CNTNAP2: variants seen among roughly 807,000 people sequenced by gnomAD.
CNTNAP2 encodes contactin associated protein 2, also known as contactin-associated protein-like 2.
In CNTNAP2, 98 loss-of-function variants were observed where a neutral mutation model predicts 155.2. The observed-to-expected ratio is 0.63, with a 90% CI of 0.54 to 0.75. The LOEUF (loss-of-function observed/expected upper bound fraction) is 0.75. Ranked by LOEUF, CNTNAP2 falls within the 30% of genes least tolerant of loss-of-function variation. The pLI, the probability that CNTNAP2 is intolerant of heterozygous loss-of-function variation, is 0.00. For missense variants in CNTNAP2, 1,727 were observed against 1,688.1 expected, an observed-to-expected ratio of 1.02 and a Z score of -0.40; for synonymous variants, 651 against 631.2, an observed-to-expected ratio of 1.03 and a Z score of -0.47.
At chr7:148,077,972 T>C (rs1457525860) in intron 15 of CNTNAP2, among the ~76,000 whole-genome samples, 3 of 151,264 alleles carry the variant, frequency 2.0e-5, no homozygotes, top group African/African-American at 7.4e-5. Context: ...GTTACTATAA[T>C]TGGATTCAAC....
intron 8 of CNTNAP2, among the ~76,000 whole-genome samples, chr7:147,271,414 G>A (rs1309709710): frequency 4.6e-5 from 7 of 152,306 alleles, no homozygotes; most frequent in Non-Finnish European, 8.8e-5. Context: ...GTCCAGTCTT[G>A]TTCCCCAGTT....
chr7:147,604,853 A>G (rs1801031164), intron 12 of CNTNAP2, among the ~76,000 whole-genome samples: 1 of 152,134 alleles, frequency 6.6e-6, no homozygotes, highest in South Asian at 2.1e-4. Flanking sequence ...GCCTTCAATA[A>G]TGTGTTCTTT....
At chr7:147,429,878 G>T (rs1797437982) in intron 10 of CNTNAP2, among the ~76,000 whole-genome samples, 1 of 151,964 alleles carries the variant, frequency 6.6e-6, no homozygotes, top group Non-Finnish European at 1.5e-5. Context: ...GTAAATATTT[G>T]GCTTTTTTTC....
chr7:147,214,990 C>T (rs1027077051), intron 8 of CNTNAP2, among the ~76,000 whole-genome samples: 2 of 152,076 alleles, frequency 1.3e-5, no homozygotes, highest in Admixed American at 1.3e-4. Context: ...CCACCAGACA[C>T]TTTTAAACAA....
intron 3 of CNTNAP2, among the ~76,000 whole-genome samples, chr7:146,991,945 G>T (rs1342779301): frequency 1.3e-5 from 2 of 152,128 alleles, no homozygotes; most frequent in Non-Finnish European, 2.9e-5. Flanking sequence ...CTGCTTGAAT[G>T]ATGATAGCTG....
intron 3 of CNTNAP2, among the ~76,000 whole-genome samples, chr7:146,978,130 A>T (rs1483161623): frequency 6.6e-6 from 1 of 152,206 alleles, no homozygotes; most frequent in Non-Finnish European, 1.5e-5. Flanking sequence ...CTATTAATTT[A>T]TAGTTTACCC....
chr7:148,004,704 T>C (rs965949026), intron 15 of CNTNAP2, among the ~76,000 whole-genome samples: 1 of 152,214 alleles, frequency 6.6e-6, no homozygotes, highest in Non-Finnish European at 1.5e-5. Context: ...TAATATGTAA[T>C]GAAAATGCTT....
chr7:148,396,302 C>A (rs898150242), intron 22 of CNTNAP2, among the ~76,000 whole-genome samples: 2 of 152,148 alleles, frequency 1.3e-5, no homozygotes, highest in African/African-American at 4.8e-5. Flanking sequence ...TCTTTCCTTA[C>A]CCCCAGCGAT....
chr7:148,129,798 G>A (rs550446312), intron 16 of CNTNAP2, among the ~76,000 whole-genome samples: 6 of 152,272 alleles, frequency 3.9e-5, no homozygotes, highest in South Asian at 4.2e-4. Flanking sequence ...CAAACCTGCC[G>A]GAGACCATCA....
chr7:146,440,893 A>G (rs1446043066), intron 1 of CNTNAP2, among the ~76,000 whole-genome samples: 1 of 151,642 alleles, frequency 6.6e-6, no homozygotes, highest in Non-Finnish European at 1.5e-5. Flanking sequence ...ATGTTAGTTC[A>G]GTGAAGCAGT....
At chr7:147,105,223 G>A (rs2129278800) in intron 4 of CNTNAP2, among the ~76,000 whole-genome samples, 1 of 151,718 alleles carries the variant, frequency 6.6e-6, no homozygotes. Context: ...GAAGACTAAG[G>A]AACAATAAAA....
chr7:147,639,030 C>G (rs1795231110), intron 12 of CNTNAP2, 76 bp from the exon 13 acceptor site: 6 of 1,429,096 alleles, frequency 4.2e-6, no homozygotes, highest in Non-Finnish European at 5.9e-6. Context: ...TTAAGTGTGG[C>G]TCAATTATTT....
chr7:146,274,001 A>G (rs1005578271), intron 1 of CNTNAP2, among the ~76,000 whole-genome samples: 26 of 152,286 alleles, frequency 1.7e-4, no homozygotes, highest in African/African-American at 5.5e-4. Flanking sequence ...ATATACATAT[A>G]TATGTGTATA....
rs1437043868 is a variant in CNTNAP2, at chr7:147,157,382, GA to G, written c.1348+24874del. On this transcript the variant is annotated intron_variant, in intron 8 of 23. Transcript: ENST00000361727. The stretch of plus-strand genomic sequence containing the variant: ...ATCAGGAGGAAGAGGCTACTTAAAA[GA>G]GAGGCAAATAAGATAGCCTGAATGG... 1.3e-4 allele frequency among the ~76,000 whole-genome samples: 20 copies of G among 152,242 alleles called. No individual in the cohort carries two copies. The East Asian group carries it at 2.3e-3, about 18-fold the overall frequency.
intron 13 of CNTNAP2, among the ~76,000 whole-genome samples, chr7:147,759,315 G>A (rs1797264331): frequency 6.6e-6 from 1 of 152,140 alleles, no homozygotes. Context: ...AATCCCATAA[G>A]ACAGTTTCTC....
chr7:146,609,448 A>G (rs745451570), intron 1 of CNTNAP2, among the ~76,000 whole-genome samples: 8 of 152,246 alleles, frequency 5.3e-5, no homozygotes, highest in South Asian at 2.1e-4. Context: ...GCACTGTTAT[A>G]GTATTCTGCT....
chr7:147,094,327 C>T lies in CNTNAP2; in HGVS notation c.551-13820C>T, dbSNP rs567317328. Among the ~76,000 whole-genome samples, 4 of 151,878 alleles carry T rather than the reference C, an allele frequency of 2.6e-5. No homozygotes were observed. In the South Asian group the frequency reaches 8.3e-4, roughly 32 times the overall value. ...GTTCTTTCTACAGCTCTCCTCTTTT[C>T]TTCTTAAGTCCTCACCAGAATTACC... On this transcript the variant is annotated intron_variant, in intron 4 of 23. Transcript: ENST00000361727.
chr7:146,375,965 G>A (rs1478441616), intron 1 of CNTNAP2, among the ~76,000 whole-genome samples: 1 of 152,136 alleles, frequency 6.6e-6, no homozygotes, highest in African/African-American at 2.4e-5. Flanking sequence ...AAAAAAGTTT[G>A]CTGAAGAAAG....
intron 2 of CNTNAP2, among the ~76,000 whole-genome samples, chr7:146,823,915 G>C (rs1274794156): frequency 6.6e-6 from 1 of 151,942 alleles, no homozygotes; most frequent in Non-Finnish European, 1.5e-5. Context: ...TACATGTGCA[G>C]AACATGCAGG....
Sources: allele counts gnomAD v4.1 joint callset (sites outside exome capture counted in the v4.1 genomes callset), GRCh38; gene constraint gnomAD v4.1.1; transcripts MANE v1.5; gene names NCBI Gene and HGNC (gene_info 2026-07-23, HGNC 2026-07-21).